The following CACNG2 variants were observed in gnomAD, a reference collection of about 807,000 sequenced individuals.
CACNG2 encodes calcium voltage-gated channel auxiliary subunit gamma 2.
In CACNG2, 3 loss-of-function variants were observed where a neutral mutation model predicts 25.9. That is an observed-to-expected ratio of 0.12 (90% CI 0.05 to 0.30). The LOEUF (loss-of-function observed/expected upper bound fraction) is 0.30, where lower values mean the gene tolerates loss of function less well. CACNG2 is among the 10% of genes least tolerant of loss of function. The pLI, the probability that CACNG2 is intolerant of heterozygous loss-of-function variation, is 1.00. For missense variants in CACNG2, 341 were observed against 432.5 expected (o/e 0.79, Z 1.88); for synonymous variants, 167 against 173.3 (o/e 0.96, Z 0.29).
chr22:36,671,991 A>C (rs1233103402), intron 1 of CACNG2, among the ~76,000 whole-genome samples: 1 of 152,138 alleles, frequency 6.6e-6, no homozygotes, highest in East Asian at 1.9e-4. Flanking sequence ...TTTCAGCAAA[A>C]GGCAATAAAG....
In CACNG2 at chr22:36,690,502, G is replaced by C. The variant is rs1282485833; in HGVS notation, c.211+11864C>G. Among the ~76,000 whole-genome samples, 3 of 152,192 alleles carry C rather than the reference G, an allele frequency of 2.0e-5. No homozygotes were observed. The East Asian group carries it at 5.8e-4, about 29-fold the overall frequency. ...AAATAATAAACACACCACTGGTAAT[G>C]ACAGCACCCGACATTTGTCAAGTGC... is the stretch of plus-strand genomic sequence containing the variant. On this transcript the variant is annotated intron_variant, in intron 1 of 3. Transcript: ENST00000300105.
intron 1 of CACNG2, among the ~76,000 whole-genome samples, chr22:36,645,176 C>A (rs1936499825): frequency 6.6e-6 from 1 of 152,060 alleles, no homozygotes; most frequent in Non-Finnish European, 1.5e-5. Context: ...CAAAGCATAC[C>A]CACACCTCTT....
At chr22:36,610,422 C>T (rs148992253) in intron 1 of CACNG2, among the ~76,000 whole-genome samples, 7 of 152,200 alleles carry the variant, frequency 4.6e-5, no homozygotes, top group Admixed American at 1.3e-4. Context: ...TCCCCCAGAC[C>T]GTGATGGTCC....
chr22:36,619,814 A>C (rs1381290418), intron 1 of CACNG2, among the ~76,000 whole-genome samples: 1 of 152,252 alleles, frequency 6.6e-6, no homozygotes, highest in Non-Finnish European at 1.5e-5. Flanking sequence ...AGTCTTCCTA[A>C]GGTAAAAGAT....
At chr22:36,586,319 C>T (rs1935501934) in intron 2 of CACNG2, among the ~76,000 whole-genome samples, 1 of 152,220 alleles carries the variant, frequency 6.6e-6, no homozygotes, top group African/African-American at 2.4e-5. Context: ...GTAACCACAA[C>T]CAAATGGCCT....
chr22:36,672,450 A>G (rs1009482629), intron 1 of CACNG2, among the ~76,000 whole-genome samples: 1 of 152,112 alleles, frequency 6.6e-6, no homozygotes, highest in African/African-American at 2.4e-5. Context: ...GCCACTGTGA[A>G]TAGGGGTGGT....
intron 2 of CACNG2, chr22:36,584,842 C>T (rs1401377633): frequency 6.6e-6 from 1 of 152,230 alleles, no homozygotes; most frequent in Non-Finnish European, 1.5e-5. Context: ...TCACAGCCTC[C>T]CCTGCGGCAG....
chr22:36,650,084 G>A (rs1342709517), intron 1 of CACNG2, among the ~76,000 whole-genome samples: 2 of 151,992 alleles, frequency 1.3e-5, no homozygotes, highest in Non-Finnish European at 2.9e-5. Flanking sequence ...TTGCCTTTCT[G>A]CTTCTGCACT....
rs773842942 is a variant in CACNG2 at position 36,564,830 on chromosome 22, A to C, written c.493T>G (p.Ser165Ala). Residue 165 changes from serine to alanine, a missense_variant, in exon 4 of 4, where the codon TCC becomes GCC. By Grantham distance (99) the Ser-to-Ala change is moderately conservative (BLOSUM62 1). Transcript: ENST00000300105. The surrounding 1 kb of genome is among the most constrained non-coding windows in gnomAD (Gnocchi z 6.7). ...VYISANAGDPSKSDSKKNSYS... is the reference protein window; with the variant it reads ...VYISANAGDPAKSDSKKNSYS... Reference sequence around the variant, plus strand: ...CTATTCTTTTTGGAGTCGCTCTTGGAGGGGTCTCCGGCATTGGCAGATATG... The same window carrying C: ...CTATTCTTTTTGGAGTCGCTCTTGGCGGGGTCTCCGGCATTGGCAGATATG... 6.2e-7 allele frequency: 1 copy of C among 1,613,752 alleles called. No homozygotes were observed. Among genetic ancestry groups the C allele is most frequent in the Admixed American group, 1.7e-5 (1 of 60,006 alleles).
In CACNG2 at chr22:36,703,471, C is replaced by T. The variant is rs1937440693; in HGVS notation, c.-895G>A. On this transcript the variant is annotated 5_prime_UTR_variant, in exon 1 of 4. Transcript: ENST00000300105. ...CTGCAGGGTGGGCCGCGCGCCTGCC[C>T]CCCACTCGCTACCGGCTGGGCGCCC... 1 of 152,424 alleles carries T rather than the reference C, an allele frequency of 6.6e-6. No homozygotes were observed. Among genetic ancestry groups the T allele is most frequent in the African/African-American group, 2.4e-5 (1 of 41,408 alleles). The allele number at this position is 152,424 out of a possible 1,614,324, so 9.4% of individuals were successfully genotyped here.
intron 1 of CACNG2, among the ~76,000 whole-genome samples, chr22:36,636,824 T>C (rs970512764): frequency 1.3e-5 from 2 of 152,210 alleles, no homozygotes; most frequent in African/African-American, 2.4e-5. Flanking sequence ...CCTGTGGCGG[T>C]GTAGGCAGGC....
rs779039681 is a variant in CACNG2, at chr22:36,564,634, C to T, written c.689G>A (p.Arg230His). 6.2e-7 allele frequency: 1 copy of T among 1,613,698 alleles called. No homozygotes were observed. The highest frequency in any genetic ancestry group is 1.3e-5 in the African/African-American group (1 of 74,912). ...GCGGCTGCGGCGCTGGTAGCGGTAG[C>T]GGTAGCTGGGGATGCGGGTGATGGC... ...ASAITRIPSY[R>H]YRYQRRSRSS... Residue 230 changes from arginine to histidine, a missense_variant, in exon 4 of 4, where the codon CGC becomes CAC. By Grantham distance (29) the Arg-to-His change is conservative (BLOSUM62 0). This residue lies in a region of CACNG2 where 172 missense variants were observed against 178.1 expected (regional missense o/e 0.97). Transcript: ENST00000300105. The surrounding 1 kb of genome is among the most constrained non-coding windows in gnomAD (Gnocchi z 6.7).
chr22:36,669,387 A>T (rs2145991351), intron 1 of CACNG2, among the ~76,000 whole-genome samples: 1 of 151,880 alleles, frequency 6.6e-6, no homozygotes, highest in Admixed American at 6.6e-5. Flanking sequence ...GGGTGCCTGT[A>T]ATCCCAGCTA....
At chr22:36,660,821 T>C (rs1223091432) in intron 1 of CACNG2, among the ~76,000 whole-genome samples, 1 of 152,184 alleles carries the variant, frequency 6.6e-6, no homozygotes, top group Non-Finnish European at 1.5e-5. Flanking sequence ...CACAACCTAC[T>C]CTGCTAAAGT....
intron 1 of CACNG2, among the ~76,000 whole-genome samples, chr22:36,634,338 T>C (rs1048257771): frequency 1.6e-4 from 24 of 152,222 alleles, no homozygotes; most frequent in Non-Finnish European, 2.8e-4. Flanking sequence ...TCTGCCATGA[T>C]TTTTCTCCTT....
intron 1 of CACNG2, among the ~76,000 whole-genome samples, chr22:36,656,626 A>G (rs1329255284): frequency 1.3e-5 from 2 of 152,110 alleles, no homozygotes; most frequent in Admixed American, 6.5e-5. Context: ...AACAGCTCCC[A>G]CGACGCTCAG....
At chr22:36,613,154 C>CTGTGTGTGTGTGTGTGTGTG (rs199852721) in intron 1 of CACNG2, among the ~76,000 whole-genome samples, 1 of 74,002 alleles carries the variant, frequency 1.4e-5, no homozygotes, top group African/African-American at 3.1e-5. Context: ...ATTACAGGCT[C>CTGTGTGTGTGTGTGTGTGTG]TCTGTGTGTG....
At chr22:36,674,906 A>G (rs1200570511) in intron 1 of CACNG2, among the ~76,000 whole-genome samples, 1 of 152,206 alleles carries the variant, frequency 6.6e-6, no homozygotes, top group Non-Finnish European at 1.5e-5. Context: ...AGTAAGTTTG[A>G]TTATAGTTCC....
chr22:36,566,429 G>C lies in CACNG2; in HGVS notation c.360C>G (p.Leu120=). The C allele has an allele frequency of 6.2e-7, 1 of 1,614,116 alleles. No homozygotes were observed. Among genetic ancestry groups the C allele is most frequent in the Non-Finnish European group, 8.5e-7 (1 of 1,180,002 alleles). Residue 120 remains leucine (L), a synonymous_variant, in exon 3 of 4, where the codon CTC becomes CTG. Coordinates refer to ENST00000300105, the MANE Select transcript of CACNG2 (RefSeq NM_006078.5). ...TGTAGAACTCGCTGGCTGCGATGCA[G>C]AGGCCACCCATGAAAAGCAGAATCA... ...LSVILLFMGG[L]CIAASEFYKT...
Sources: allele counts gnomAD v4.1 joint callset (sites outside exome capture counted in the v4.1 genomes callset), GRCh38; gene constraint gnomAD v4.1.1; regional missense constraint gnomAD v4.1.1; non-coding constraint Gnocchi (gnomAD v3.1); transcripts MANE v1.5; gene names NCBI Gene and HGNC (gene_info 2026-07-23, HGNC 2026-07-21).